The following GPR39 variants were observed in gnomAD, a reference collection of about 807,000 sequenced individuals.
GPR39 encodes zinc sensing receptor.
In GPR39, 23 loss-of-function variants were observed where a neutral mutation model predicts 18.4. The ratio of observed to expected loss-of-function variants is 1.25; its 90% CI spans 0.90 to 1.77. The LOEUF (loss-of-function observed/expected upper bound fraction) is 1.77. Among genes scored for constraint, GPR39 ranks in the 40% most tolerant of loss-of-function variants. The pLI is 0.00. For missense variants in GPR39, 647 were observed against 602.4 expected, an observed-to-expected ratio of 1.07 and a Z score of -0.78; for synonymous variants, 280 against 257.9, an observed-to-expected ratio of 1.09 and a Z score of -0.82.
chr2:132,506,229 G>T (rs1679134155), intron 1 of GPR39, among the ~76,000 whole-genome samples: 1 of 151,316 alleles, frequency 6.6e-6, no homozygotes, highest in African/African-American at 2.4e-5. Flanking sequence ...CATGTCCTTT[G>T]CCCCCTTTTT....
intron 1 of GPR39, among the ~76,000 whole-genome samples, chr2:132,538,950 T>A (rs1358314417): frequency 2.6e-5 from 4 of 152,172 alleles, no homozygotes; most frequent in African/African-American, 9.7e-5. Flanking sequence ...TCCAGACTGT[T>A]GTGCTGGCAG....
intron 1 of GPR39, among the ~76,000 whole-genome samples, chr2:132,557,209 C>A (rs1680168834): frequency 2.0e-5 from 3 of 152,074 alleles, no homozygotes; most frequent in Admixed American, 2.0e-4. Context: ...ATCCCAGCTG[C>A]TTGGAAGGCT....
chr2:132,577,647 T>G (rs1426472832), intron 1 of GPR39, among the ~76,000 whole-genome samples: 1 of 152,240 alleles, frequency 6.6e-6, no homozygotes, highest in African/African-American at 2.4e-5. Context: ...TGACTGACTG[T>G]AAGTGGCATT....
At chr2:132,535,810 A>G (rs1224228940) in intron 1 of GPR39, among the ~76,000 whole-genome samples, 1 of 151,606 alleles carries the variant, frequency 6.6e-6, no homozygotes, top group Non-Finnish European at 1.5e-5. Context: ...TTATGTGTCC[A>G]GGAATTTATC....
chr2:132,600,240 C>A (rs1469249835), intron 1 of GPR39, among the ~76,000 whole-genome samples: 1 of 152,128 alleles, frequency 6.6e-6, no homozygotes, highest in African/African-American at 2.4e-5. Flanking sequence ...CTATGGGATA[C>A]TGCAAAAACA....
At chr2:132,534,244 A>C (rs1679699598) in intron 1 of GPR39, among the ~76,000 whole-genome samples, 1 of 152,112 alleles carries the variant, frequency 6.6e-6, no homozygotes, top group Non-Finnish European at 1.5e-5. Flanking sequence ...AAAAATGTTC[A>C]TCATCACTGG....
intron 1 of GPR39, among the ~76,000 whole-genome samples, chr2:132,633,419 G>A (rs1283052720): frequency 6.6e-6 from 1 of 151,170 alleles, no homozygotes; most frequent in Non-Finnish European, 1.5e-5. Flanking sequence ...AGTGGGAAGA[G>A]CTCCATTTCC....
At chr2:132,482,072 A>G (rs1681245708) in intron 1 of GPR39, among the ~76,000 whole-genome samples, 1 of 152,158 alleles carries the variant, frequency 6.6e-6, no homozygotes. Flanking sequence ...TCCCCTAAAT[A>G]ATGGCTCTGC....
chr2:132,533,502 G>A (rs1226156733), intron 1 of GPR39, among the ~76,000 whole-genome samples: 2 of 145,286 alleles, frequency 1.4e-5, no homozygotes, highest in African/African-American at 4.9e-5. Flanking sequence ...CTACTTTAAA[G>A]TTCATATGGA....
intron 1 of GPR39, among the ~76,000 whole-genome samples, chr2:132,426,650 A>G (rs1680122649): frequency 6.6e-6 from 1 of 152,160 alleles, no homozygotes; most frequent in Non-Finnish European, 1.5e-5. Context: ...TCATTTTCTG[A>G]TTTTAGAGCC....
intron 1 of GPR39, among the ~76,000 whole-genome samples, chr2:132,508,915 C>T (rs1373402428): frequency 1.3e-5 from 2 of 152,148 alleles, no homozygotes; most frequent in Non-Finnish European, 2.9e-5. Flanking sequence ...TTCTAGGGTA[C>T]AGAACTCTGG....
At chr2:132,464,488 G>A (rs1680890275) in intron 1 of GPR39, among the ~76,000 whole-genome samples, 1 of 152,118 alleles carries the variant, frequency 6.6e-6, no homozygotes, top group South Asian at 2.1e-4. Flanking sequence ...TAGGAATCTG[G>A]ACCATTGGTG....
intron 1 of GPR39, among the ~76,000 whole-genome samples, chr2:132,482,076 G>A (rs144268431): frequency 6.6e-6 from 1 of 152,226 alleles, no homozygotes; most frequent in East Asian, 1.9e-4. Flanking sequence ...CTAAATAATG[G>A]CTCTGCATTG....
At chr2:132,590,509 T>A (rs1680807485) in intron 1 of GPR39, among the ~76,000 whole-genome samples, 1 of 151,960 alleles carries the variant, frequency 6.6e-6, no homozygotes, top group South Asian at 2.1e-4. Flanking sequence ...GCGCAAGACC[T>A]ATGGTGGGCT....
At chr2:132,443,886 A>C (rs1680481917) in intron 1 of GPR39, among the ~76,000 whole-genome samples, 1 of 152,218 alleles carries the variant, frequency 6.6e-6, no homozygotes, top group Non-Finnish European at 1.5e-5. Context: ...CCTGGGCAAC[A>C]TAGGGAAACC....
intron 1 of GPR39, among the ~76,000 whole-genome samples, chr2:132,572,313 G>T (rs115754922): frequency 6.6e-6 from 1 of 151,958 alleles, no homozygotes; most frequent in South Asian, 2.1e-4. Context: ...CTTTCTTTCA[G>T]CCCCCTAGTA....
intron 1 of GPR39, among the ~76,000 whole-genome samples, chr2:132,492,238 A>C (rs1230258623): frequency 6.9e-6 from 1 of 144,770 alleles, no homozygotes; most frequent in Non-Finnish European, 1.5e-5. Context: ...TATACCATAT[A>C]TATACATACC....
chr2:132,430,946 CTGAGTCCTGGG>C (rs2104758762), intron 1 of GPR39, among the ~76,000 whole-genome samples: 1 of 152,258 alleles, frequency 6.6e-6, no homozygotes, highest in African/African-American at 2.4e-5. Context: ...TTCCCCCTGG[CTGAGTCCTGGG>C]TGATATTTCC....
intron 1 of GPR39, among the ~76,000 whole-genome samples, chr2:132,438,220 G>A (rs561523060): frequency 6.6e-6 from 1 of 152,330 alleles, no homozygotes; most frequent in African/African-American, 2.4e-5. Context: ...TAGAAACCAT[G>A]CTTATATATA....
Sources: gnomAD v4.1 joint callset for allele counts (sites outside exome capture counted in the v4.1 genomes callset) on GRCh38, gnomAD v4.1.1 for gene constraint, MANE v1.5 for transcripts, NCBI Gene and HGNC (gene_info 2026-07-23, HGNC 2026-07-21) for gene names.